Variants in NCOA3 observed in about 807,000 individuals in gnomAD.
The protein encoded by NCOA3 is nuclear receptor coactivator 3, also known as CBP-interacting protein.
A neutral mutation model predicts 158.8 loss-of-function variants in NCOA3; 51 were observed. The ratio of observed to expected loss-of-function variants is 0.32; its 90% CI spans 0.26 to 0.41. NCOA3 has a LOEUF of 0.41. Ranked by LOEUF, NCOA3 falls within the 10% of genes least tolerant of loss-of-function variation. The probability of loss-of-function intolerance (pLI) is 1.00; values close to 1 mark genes in which losing one functional copy is unlikely to be tolerated. For missense variants in NCOA3, 1,510 were observed against 1,746.6 expected (o/e 0.86, Z 2.41); for synonymous variants, 537 against 592.4 (o/e 0.91, Z 1.36).
rs1323394954 is a variant in NCOA3 at position 47,647,097 on chromosome 20, G to T, written c.3277G>T (p.Asp1093Tyr). 6.2e-7 allele frequency: 1 copy of T among 1,614,020 alleles called. No homozygotes were observed. Among genetic ancestry groups the T allele is most frequent in the Admixed American group, 1.7e-5 (1 of 60,010 alleles). ...NQGQALEPKQ[D>Y]AFQGQEAAVM... is the part of the protein sequence containing the mutation. ...GGGACAGGCATTAGAGCCCAAACAGGATGCTTTCCAAGGCCAAGAAGCAGC... is the reference window on the plus strand; with the variant it reads ...GGGACAGGCATTAGAGCCCAAACAGTATGCTTTCCAAGGCCAAGAAGCAGC... The change falls in exon 18 of 23, where the codon GAT becomes TAT. Residue 1093 changes from aspartate to tyrosine, a missense_variant. Around this residue, in one of 4 missense-constraint regions of NCOA3, gnomAD observed 1,017 missense variants for 1,098.3 expected, o/e 0.93. Coordinates refer to ENST00000371998, the MANE Select transcript of NCOA3 (RefSeq NM_181659.3).
intron 6 of NCOA3, 78 bp from the exon 7 acceptor site, chr20:47,627,483 T>C (rs2086342111): frequency 5.2e-6 from 6 of 1,150,478 alleles, no homozygotes; most frequent in Middle Eastern, 2.6e-4. Flanking sequence ...AATGAGAAAA[T>C]GCAGCTTGAA....
chr20:47,543,710 A>G (rs1162983269), intron 1 of NCOA3, among the ~76,000 whole-genome samples: 3 of 152,024 alleles, frequency 2.0e-5, no homozygotes, highest in African/African-American at 2.4e-5. Flanking sequence ...GGGTTTCACC[A>G]TGTTGGCCAG....
chr20:47,570,091 C>T (rs1032113111), intron 1 of NCOA3, among the ~76,000 whole-genome samples: 3 of 151,930 alleles, frequency 2.0e-5, no homozygotes, highest in Non-Finnish European at 2.9e-5. Context: ...TTTATGATTT[C>T]GACAATGTTC....
intron 2 of NCOA3, among the ~76,000 whole-genome samples, chr20:47,591,277 C>T (rs1025896542): frequency 1.3e-5 from 2 of 152,162 alleles, no homozygotes; most frequent in Non-Finnish European, 2.9e-5. Context: ...TTTAAGATAC[C>T]TAGACATTTT....
intron 1 of NCOA3, among the ~76,000 whole-genome samples, chr20:47,528,453 C>T (rs2084492492): frequency 6.6e-6 from 1 of 151,934 alleles, no homozygotes; most frequent in Non-Finnish European, 1.5e-5. Flanking sequence ...GAAAAGTTGC[C>T]AAAATAAAAA....
rs1329061205 is a variant in NCOA3, at chr20:47,655,900, G to C, written c.*2483G>C. On this transcript the variant is annotated 3_prime_UTR_variant, in exon 23 of 23. Coordinates refer to ENST00000371998, the MANE Select transcript of NCOA3 (RefSeq NM_181659.3). ...TTATAAGTTTTTATATTTTCTACTTGTTCATTTGGTGCAAACTCAAGATTT... is the reference window on the plus strand; with the variant it reads ...TTATAAGTTTTTATATTTTCTACTTCTTCATTTGGTGCAAACTCAAGATTT... The C allele has an allele frequency of 1.3e-5, 2 of 152,232 alleles. No individual in the cohort carries two copies. The highest frequency in any genetic ancestry group is 2.9e-5 in the Non-Finnish European group (2 of 67,944). 9.4% of individuals were successfully genotyped at this position (152,232 alleles called of 1,614,324 possible).
intron 2 of NCOA3, among the ~76,000 whole-genome samples, chr20:47,593,751 C>T (rs964007634): frequency 6.6e-6 from 1 of 152,004 alleles, no homozygotes; most frequent in African/African-American, 2.4e-5. Flanking sequence ...ATTACTAAGC[C>T]AGGATAATTA....
At chr20:47,625,897 A>T (rs570482955) in intron 5 of NCOA3, among the ~76,000 whole-genome samples, 2 of 152,248 alleles carry the variant, frequency 1.3e-5, no homozygotes, top group African/African-American at 4.8e-5. Context: ...TGATGACTAT[A>T]TAGCACTTAC....
At position 47,636,146 on chromosome 20, in the gene NCOA3, C is replaced by T. The variant is rs2086511668; in HGVS notation, c.1760C>T (p.Ser587Leu). The T allele has an allele frequency of 1.2e-6, 2 of 1,614,038 alleles. No individual in the cohort carries two copies. Among genetic ancestry groups the T allele is most frequent in the East Asian group, 2.2e-5 (1 of 44,890 alleles). ...CCAGTGGAGAGTTCAATGTGTCAGT[C>T]AAATAGCAGAGATCACCTCAGTGAC... is the stretch of plus-strand genomic sequence containing the variant. ...QNPVESSMCQ[S>L]NSRDHLSDKE... Residue 587 changes from serine to leucine, a missense_variant, in exon 12 of 23, where the codon TCA becomes TTA. Transcript: ENST00000371998.
intron 1 of NCOA3, among the ~76,000 whole-genome samples, chr20:47,563,898 AAAAAAAG>A (rs1406256753): frequency 4.0e-5 from 6 of 150,790 alleles, no homozygotes; most frequent in East Asian, 1.9e-4. Flanking sequence ...CAAAAAAAAA[AAAAAAAG>A]AAAGAAAAAA....
At chr20:47,512,536 C>T (rs901756637) in intron 1 of NCOA3, among the ~76,000 whole-genome samples, 10 of 145,122 alleles carry the variant, frequency 6.9e-5, no homozygotes, top group Admixed American at 6.3e-4. Context: ...CCACTGCACT[C>T]GAACGTGGCA....
At position 47,650,972 on chromosome 20, in the gene NCOA3, TG is replaced by T. The variant is rs763591594; in HGVS notation, c.3652-7del. ...ATATATATGTAATTGCACTCTTTCT[TG>T]GGTATTAGCAGGGTTTTCTTAATGC... On this transcript the variant is annotated splice_polypyrimidine_tract_variant and intron_variant, in intron 19 of 22. Transcript: ENST00000371998. 18 of 1,612,212 alleles carry T rather than the reference TG, an allele frequency of 1.1e-5. No individual in the cohort carries two copies. Among genetic ancestry groups the T allele is most frequent in the Non-Finnish European group, 1.5e-5 (18 of 1,178,438 alleles).
intron 1 of NCOA3, among the ~76,000 whole-genome samples, chr20:47,536,543 G>A (rs1028210324): frequency 9.2e-5 from 14 of 152,204 alleles, no homozygotes; most frequent in African/African-American, 3.4e-4. Context: ...GGAAAATAAT[G>A]TATTATCATT....
At chr20:47,529,533 C>T (rs1002453360) in intron 1 of NCOA3, among the ~76,000 whole-genome samples, 5 of 152,210 alleles carry the variant, frequency 3.3e-5, no homozygotes, top group African/African-American at 1.2e-4. Flanking sequence ...GCGCCTCAGC[C>T]TCCCGAGTAG....
chr20:47,511,556 T>TATATATATATATACACACACACACA (rs1569310943), intron 1 of NCOA3, among the ~76,000 whole-genome samples: 1 of 30,198 alleles, frequency 3.3e-5, no homozygotes, highest in African/African-American at 6.5e-5. Flanking sequence ...TATATATATA[T>TATATATATATATACACACACACACA]TTCTTTTTTT....
chr20:47,608,640 CAAAAAAAAA>C (rs148545557), intron 2 of NCOA3, among the ~76,000 whole-genome samples: 1 of 98,680 alleles, frequency 1.0e-5, no homozygotes, highest in Non-Finnish European at 2.0e-5. Flanking sequence ...ACCCTGTCTC[CAAAAAAAAA>C]AAAAAAAAAA....
At chr20:47,603,877 G>A (rs1210947124) in intron 2 of NCOA3, among the ~76,000 whole-genome samples, 11 of 152,110 alleles carry the variant, frequency 7.2e-5, no homozygotes, top group East Asian at 1.9e-4. Flanking sequence ...ATATGGGGGC[G>A]TGGTGGGTCA....
In NCOA3 at chr20:47,623,731, T is replaced by C. The variant is rs534502548; in HGVS notation, c.84-180T>C. On this transcript the variant is annotated intron_variant, in intron 3 of 22. Transcript: ENST00000371998. Reference sequence around the variant, plus strand: ...TGAATCCTGGAGGTGGAGGTTGCATTGAGCCAAAGTCGCACCGTTGTACTC... The same window carrying C: ...TGAATCCTGGAGGTGGAGGTTGCATCGAGCCAAAGTCGCACCGTTGTACTC... Among the ~76,000 whole-genome samples, 33 of 152,092 alleles carry C rather than the reference T, an allele frequency of 2.2e-4. 1 individual carries two copies. In the South Asian group the frequency reaches 6.9e-3, roughly 32 times the overall value.
intron 1 of NCOA3, among the ~76,000 whole-genome samples, chr20:47,516,615 A>G (rs1251660915): frequency 6.6e-6 from 1 of 152,142 alleles, no homozygotes; most frequent in Non-Finnish European, 1.5e-5. Flanking sequence ...ACAATAAAAA[A>G]CAAAGGTTCC....
Sources: gnomAD v4.1 joint callset for allele counts (sites outside exome capture counted in the v4.1 genomes callset) on GRCh38, gnomAD v4.1.1 for gene constraint, gnomAD v4.1.1 regional missense constraint, MANE v1.5 for transcripts, NCBI Gene and HGNC (gene_info 2026-07-23, HGNC 2026-07-21) for gene names.